The following AGFG1 variants were observed in gnomAD, a reference collection of about 807,000 sequenced individuals.
The protein encoded by AGFG1 is arf-GAP domain and FG repeat-containing protein 1.
In AGFG1, 10 loss-of-function variants were observed where a neutral mutation model predicts 60.6. The observed-to-expected ratio is 0.16, with a 90% confidence interval of 0.10 to 0.28. The LOEUF (loss-of-function observed/expected upper bound fraction) is 0.28. Among genes scored for constraint, AGFG1 ranks in the 10% least tolerant of loss-of-function variants. The probability of loss-of-function intolerance (pLI) is 1.00; values close to 1 mark genes in which losing one functional copy is unlikely to be tolerated. For missense variants in AGFG1, 537 were observed against 676.5 expected (o/e 0.79, Z 2.29); for synonymous variants, 247 against 242.9 (o/e 1.02, Z -0.16).
chr2:227,525,969 T>G (rs4355099), intron 5 of AGFG1, among the ~76,000 whole-genome samples: 6,920 of 152,308 alleles, frequency 0.045, 241 homozygotes, highest in Middle Eastern at 0.11. Flanking sequence ...TGGCATGATT[T>G]GTTTAGGAAA....
intron 2 of AGFG1, among the ~76,000 whole-genome samples, chr2:227,519,198 ATCTG>A (rs1222726119): frequency 2.6e-5 from 4 of 152,352 alleles, no homozygotes; most frequent in South Asian, 2.1e-4. Flanking sequence ...GTGTTGGGTT[ATCTG>A]TCTTTTATAA....
chr2:227,472,797 T>C (rs2106144103), intron 1 of AGFG1, among the ~76,000 whole-genome samples: 1 of 146,398 alleles, frequency 6.8e-6, no homozygotes, highest in East Asian at 2.2e-4. Context: ...GGATGCGTTT[T>C]CGGTTTTGCC....
At position 227,557,961 on chromosome 2, in the gene AGFG1, T is replaced by G. The variant is rs1693022928; in HGVS notation, c.*3466T>G. 6.6e-6 allele frequency: 1 copy of G among 152,184 alleles called. No homozygotes were observed. Among genetic ancestry groups the G allele is most frequent in the Admixed American group, 6.6e-5 (1 of 15,266 alleles). 9.4% of individuals were successfully genotyped at this position (152,184 alleles called of 1,614,324 possible). ...CTTTGAGAACCACTATACTTTAAAT[T>G]TGTGTATTTCTAGAACAGTATTTAC... is the stretch of plus-strand genomic sequence containing the variant. On this transcript the variant is annotated 3_prime_UTR_variant, in exon 13 of 13. Transcript: ENST00000310078.
intron 6 of AGFG1, 96 bp from the exon 7 acceptor site, chr2:227,533,453 T>A: frequency 9.3e-7 from 1 of 1,071,302 alleles, no homozygotes; most frequent in South Asian, 1.5e-5. Flanking sequence ...AGATTGCTTA[T>A]AGGACATTTA....
chr2:227,476,015 AC>A (rs1367202259), intron 1 of AGFG1, among the ~76,000 whole-genome samples: 1 of 152,198 alleles, frequency 6.6e-6, no homozygotes, highest in Non-Finnish European at 1.5e-5. Context: ...AATAAATTGA[AC>A]TAGCATCTTG....
chr2:227,509,069 T>C (rs1160283278), intron 2 of AGFG1, among the ~76,000 whole-genome samples: 4 of 152,148 alleles, frequency 2.6e-5, no homozygotes, highest in African/African-American at 9.7e-5. Flanking sequence ...TCTCAAAAGA[T>C]CTACCTGCAA....
intron 2 of AGFG1, among the ~76,000 whole-genome samples, chr2:227,497,731 TTTTG>T (rs530718125): frequency 0.55 from 7,633 of 13,952 alleles, 1,522 homozygotes; most frequent in Non-Finnish European, 0.58. Context: ...TTCTTTCTTG[TTTTG>T]TTTTTTTTTT....
At chr2:227,474,847 T>A (rs1409459058) in intron 1 of AGFG1, among the ~76,000 whole-genome samples, 2 of 152,254 alleles carry the variant, frequency 1.3e-5, no homozygotes, top group Non-Finnish European at 2.9e-5. Context: ...TATACGGTAT[T>A]GAGAATGTCA....
In AGFG1 at chr2:227,535,580, G is replaced by T. The variant is rs551990220; in HGVS notation, c.1205+555G>T. Among the ~76,000 whole-genome samples, 29 of 152,258 alleles carry T rather than the reference G, an allele frequency of 1.9e-4. No individual in the cohort carries two copies. The South Asian group carries it at 5.8e-3, about 30-fold the overall frequency. On this transcript the variant is annotated intron_variant, in intron 8 of 12. Transcript: ENST00000310078. The stretch of plus-strand genomic sequence containing the variant: ...TAACACATTTTAGGACATTACACTT[G>T]TAAAAAACTTTTCTAGTCTTTATTT...
intron 2 of AGFG1, among the ~76,000 whole-genome samples, chr2:227,504,928 A>T (rs1346754599): frequency 6.6e-6 from 1 of 152,204 alleles, no homozygotes; most frequent in Non-Finnish European, 1.5e-5. Flanking sequence ...AGTGTTCTAT[A>T]AATGACAATT....
At chr2:227,478,768 A>G (rs1690365622) in intron 1 of AGFG1, among the ~76,000 whole-genome samples, 1 of 152,192 alleles carries the variant, frequency 6.6e-6, no homozygotes, top group Admixed American at 6.5e-5. Context: ...TATGATTTTT[A>G]GCATTTTAAT....
chr2:227,492,303 AAGAG>A (rs1475380724), intron 2 of AGFG1, among the ~76,000 whole-genome samples: 1 of 152,020 alleles, frequency 6.6e-6, no homozygotes, highest in East Asian at 1.9e-4. Context: ...AAAATTAACA[AAGAG>A]AGTGGGCATT....
At chr2:227,523,434 A>C (rs1023429753) in intron 3 of AGFG1, among the ~76,000 whole-genome samples, 3 of 152,176 alleles carry the variant, frequency 2.0e-5, no homozygotes, top group Non-Finnish European at 4.4e-5. Context: ...TGAACTATTC[A>C]TGGTGATGAC....
rs560328850 is a variant in AGFG1, at chr2:227,556,527, A to G, written c.*2032A>G. On this transcript the variant is annotated 3_prime_UTR_variant, in exon 13 of 13. Coordinates refer to ENST00000310078, the MANE Select transcript of AGFG1 (RefSeq NM_004504.5). ...AGCCCTTTTCATTGAGGGAAAATAT[A>G]TTTGAATTTCTGTTTTAGATTGTAT... 2.0e-5 allele frequency: 3 copies of G among 152,706 alleles called. No homozygotes were observed. The highest frequency in any genetic ancestry group is 7.2e-5 in the African/African-American group (3 of 41,564). The allele number at this position is 152,706 out of a possible 1,614,324, so 9.5% of individuals were successfully genotyped here.
Position 227,531,376 on chromosome 2 carries a change from T to C in AGFG1, c.814+166T>C, listed in dbSNP as rs193167779. Among the ~76,000 whole-genome samples, 38 of 152,332 alleles carry C rather than the reference T, an allele frequency of 2.5e-4. 1 individual carries two copies. In the East Asian group the frequency reaches 6.7e-3, roughly 27 times the overall value. On this transcript the variant is annotated intron_variant, in intron 6 of 12. Transcript: ENST00000310078. ...AACCTGAACTCTTTATTTTTTTCTA[T>C]GTTCATTTGTTTTTCTGCATTATTT...
At chr2:227,504,533 G>A (rs939601218) in intron 2 of AGFG1, among the ~76,000 whole-genome samples, 2 of 152,126 alleles carry the variant, frequency 1.3e-5, no homozygotes, top group Admixed American at 6.6e-5. Context: ...GTGTTTAAGC[G>A]GACATGCACA....
intron 6 of AGFG1, 123 bp from the exon 7 acceptor site, chr2:227,533,426 T>C (rs1481017998): frequency 2.1e-5 from 18 of 871,746 alleles, no homozygotes; most frequent in Non-Finnish European, 3.0e-5. Context: ...TTGCCAGTCA[T>C]TGATTTTAAT....
chr2:227,474,065 C>CT (rs1468615821), intron 1 of AGFG1, among the ~76,000 whole-genome samples: 1 of 152,162 alleles, frequency 6.6e-6, no homozygotes, highest in Non-Finnish European at 1.5e-5. Context: ...GGGAGACACT[C>CT]TGAGAAGTTG....
chr2:227,544,087 T>C (rs1417119840), intron 10 of AGFG1, among the ~76,000 whole-genome samples: 1 of 151,534 alleles, frequency 6.6e-6, no homozygotes, highest in Non-Finnish European at 1.5e-5. Flanking sequence ...GTGAGATGGG[T>C]TTCCTGAATA....
Sources: allele counts gnomAD v4.1 joint callset (sites outside exome capture counted in the v4.1 genomes callset), GRCh38; gene constraint gnomAD v4.1.1; transcripts MANE v1.5; gene names NCBI Gene and HGNC (gene_info 2026-07-23, HGNC 2026-07-21).